RBFOX1: variants seen among roughly 807,000 people sequenced by gnomAD.
RBFOX1 encodes RNA binding protein fox-1 homolog 1.
In RBFOX1, 8 loss-of-function variants were observed where a neutral mutation model predicts 57.7. That is an observed-to-expected ratio of 0.14 (90% CI 0.08 to 0.25). The LOEUF (loss-of-function observed/expected upper bound fraction) is 0.25, where lower values mean the gene tolerates loss of function less well. Among genes scored for constraint, RBFOX1 ranks in the 10% least tolerant of loss-of-function variants. RBFOX1 has a pLI of 1.00. For synonymous variants in RBFOX1, 326 were observed against 222.4 expected (o/e 1.47, Z -4.15); for missense variants, 611 against 548.5 (o/e 1.11, Z -1.14).
At chr16:6,806,151 A>G (rs1430303115) in intron 3 of RBFOX1, among the ~76,000 whole-genome samples, 1 of 152,220 alleles carries the variant, frequency 6.6e-6, no homozygotes, top group African/African-American at 2.4e-5. Context: ...TAGTTAGAAT[A>G]GAAATGAGTA....
intron 1 of RBFOX1, among the ~76,000 whole-genome samples, chr16:6,073,364 C>T (rs2095859169): frequency 6.6e-6 from 1 of 152,180 alleles, no homozygotes; most frequent in South Asian, 2.1e-4. Context: ...TGGGATGGGT[C>T]ATGGGCCCCA....
intron 4 of RBFOX1, among the ~76,000 whole-genome samples, chr16:7,303,848 C>T (rs2096095846): frequency 6.6e-6 from 1 of 150,970 alleles, no homozygotes; most frequent in South Asian, 2.1e-4. Flanking sequence ...CCTCCTCTCC[C>T]TCCCTCCCTC....
chr16:5,427,431 A>G (rs1417761994), intron 1 of RBFOX1, among the ~76,000 whole-genome samples: 1 of 152,134 alleles, frequency 6.6e-6, no homozygotes, highest in African/African-American at 2.4e-5. Context: ...CTAAAAATAC[A>G]AAAATTAGCC....
At chr16:5,511,645 T>G (rs1044460389) in intron 2 of RBFOX1, among the ~76,000 whole-genome samples, 26 of 152,156 alleles carry the variant, frequency 1.7e-4, no homozygotes, top group Admixed American at 1.3e-3. Context: ...TTATCCCCAT[T>G]TTATAGAAGA....
chr16:7,099,359 C>A lies in RBFOX1; in HGVS notation c.27+47261C>A, dbSNP rs533607019. On this transcript the variant is annotated intron_variant, in intron 4 of 15. Transcript: ENST00000550418. ...TTGTACCAGCTTCTCCTCGTAGGAT[C>A]TTTCTTGGGTGTTTTATTTAACCCC... Among the ~76,000 whole-genome samples the A allele has an allele frequency of 1.8e-4, 27 of 152,248 alleles. No homozygotes were observed. The South Asian group carries it at 4.6e-3, about 26-fold the overall frequency.
intron 12 of RBFOX1, 73 bp downstream of exon 12, chr16:7,654,020 G>A (rs138186638): frequency 0.044 from 61,981 of 1,419,994 alleles, 1,634 homozygotes; most frequent in Non-Finnish European, 0.051. Context: ...AGCTGTTTGC[G>A]AGCGCATGAT....
intron 9 of RBFOX1, among the ~76,000 whole-genome samples, chr16:7,599,873 G>C (rs2094920304): frequency 6.6e-6 from 1 of 151,662 alleles, no homozygotes; most frequent in Non-Finnish European, 1.5e-5. Flanking sequence ...CTGAGCTCAA[G>C]TGATGTGCCT....
At chr16:6,886,482 G>C (rs2064057989) in intron 3 of RBFOX1, among the ~76,000 whole-genome samples, 1 of 152,082 alleles carries the variant, frequency 6.6e-6, no homozygotes, top group East Asian at 1.9e-4. Context: ...GCCCAGCGCG[G>C]TGGCTCACAC....
chr16:7,087,643 A>G (rs1055940919), intron 4 of RBFOX1, among the ~76,000 whole-genome samples: 3 of 152,258 alleles, frequency 2.0e-5, no homozygotes, highest in Admixed American at 6.5e-5. Context: ...CATCACATAC[A>G]GTGCCACTGA....
At chr16:6,864,424 C>T (rs769009136) in intron 3 of RBFOX1, among the ~76,000 whole-genome samples, 6 of 151,942 alleles carry the variant, frequency 3.9e-5, no homozygotes, top group Non-Finnish European at 7.4e-5. Context: ...GTGAAATCAC[C>T]AACAATTCAG....
At chr16:7,236,626 C>G (rs182594052) in intron 4 of RBFOX1, among the ~76,000 whole-genome samples, 370 of 152,264 alleles carry the variant, frequency 2.4e-3, no homozygotes, top group Non-Finnish European at 3.4e-3. Flanking sequence ...AGTCAACTTC[C>G]CAAATCATGA....
intron 10 of RBFOX1, among the ~76,000 whole-genome samples, chr16:7,608,246 C>T (rs573230676): frequency 6.6e-6 from 1 of 152,310 alleles, no homozygotes; most frequent in East Asian, 1.9e-4. Flanking sequence ...TCTTCCTGGG[C>T]TGCCTAACTT....
At chr16:7,090,035 T>C (rs1248045956) in intron 4 of RBFOX1, among the ~76,000 whole-genome samples, 2 of 152,166 alleles carry the variant, frequency 1.3e-5, no homozygotes, top group African/African-American at 2.4e-5. Flanking sequence ...CTTTTCTTCT[T>C]CTTCTTTTTT....
intron 4 of RBFOX1, among the ~76,000 whole-genome samples, chr16:7,482,023 G>A (rs1181211251): frequency 6.6e-6 from 1 of 152,232 alleles, no homozygotes; most frequent in African/African-American, 2.4e-5. Context: ...AAGTCGAAAA[G>A]TCTTGAGTCG....
chr16:6,816,032 C>G (rs1454535696), intron 3 of RBFOX1, among the ~76,000 whole-genome samples: 1 of 152,066 alleles, frequency 6.6e-6, no homozygotes, highest in African/African-American at 2.4e-5. Context: ...AATAATCGGC[C>G]AGGAGCAATG....
chr16:5,323,597 C>A (rs1199407104), intron 1 of RBFOX1, among the ~76,000 whole-genome samples: 1 of 152,216 alleles, frequency 6.6e-6, no homozygotes, highest in Non-Finnish European at 1.5e-5. Flanking sequence ...CAGAAGAGAT[C>A]GACTTTTAAA....
chr16:5,485,882 T>C (rs1402485235), intron 2 of RBFOX1, among the ~76,000 whole-genome samples: 1 of 152,224 alleles, frequency 6.6e-6, no homozygotes, highest in African/African-American at 2.4e-5. Context: ...CTTCAGGATG[T>C]TATTATCCTC....
At chr16:5,759,012 C>T (rs540800040) in intron 3 of RBFOX1, among the ~76,000 whole-genome samples, 16 of 152,286 alleles carry the variant, frequency 1.1e-4, no homozygotes, top group South Asian at 2.1e-4. Flanking sequence ...GTGAGTTTCA[C>T]GACTTTGAGC....
chr16:5,622,739 T>C (rs909189991), intron 3 of RBFOX1, among the ~76,000 whole-genome samples: 8 of 152,320 alleles, frequency 5.3e-5, no homozygotes, highest in African/African-American at 1.9e-4. Flanking sequence ...AGGGAGACTG[T>C]GTGGCCCTCA....
Sources: allele counts gnomAD v4.1 joint callset (sites outside exome capture counted in the v4.1 genomes callset), GRCh38; gene constraint gnomAD v4.1.1; transcripts MANE v1.5; gene names NCBI Gene and HGNC (gene_info 2026-07-23, HGNC 2026-07-21).